The following SEH1L variants were observed in gnomAD, a reference collection of about 807,000 sequenced individuals.
SEH1L encodes nucleoporin SEH1.
SEH1L carries 18 observed loss-of-function variants against 49.5 expected under a neutral mutation model. That is an observed-to-expected ratio of 0.36 (90% CI 0.25 to 0.54). The LOEUF (loss-of-function observed/expected upper bound fraction) is 0.54. SEH1L is among the 20% of genes least tolerant of loss of function. SEH1L has a pLI of 0.87. For missense variants in SEH1L, 404 were observed against 528.8 expected (o/e 0.76, Z 2.31); for synonymous variants, 169 against 178.1 (o/e 0.95, Z 0.41).
At chr18:12,970,844 CTT>C (rs1446088135) in intron 4 of SEH1L, among the ~76,000 whole-genome samples, 1 of 152,184 alleles carries the variant, frequency 6.6e-6, no homozygotes, top group African/African-American at 2.4e-5. Context: ...ACTAAGACCT[CTT>C]AAGTATCTTT....
At chr18:12,949,281 GT>G (rs1855835885) in intron 1 of SEH1L, among the ~76,000 whole-genome samples, 1 of 152,046 alleles carries the variant, frequency 6.6e-6, no homozygotes, top group Non-Finnish European at 1.5e-5. Flanking sequence ...CAACTCCAGA[GT>G]AACTGGAAAT....
intron 3 of SEH1L, among the ~76,000 whole-genome samples, chr18:12,957,206 T>A (rs1484269939): frequency 1.3e-5 from 2 of 152,198 alleles, no homozygotes; most frequent in Non-Finnish European, 2.9e-5. Flanking sequence ...AATGGACAGA[T>A]CACCTGAGGT....
chr18:12,963,481 A>T, intron 4 of SEH1L, 110 bp downstream of exon 4: 1 of 827,584 alleles, frequency 1.2e-6, no homozygotes, highest in Non-Finnish European at 1.9e-6. Flanking sequence ...CTCAAGATAT[A>T]TAGAGTATAT....
At chr18:12,958,730 T>G (rs374604797) in intron 3 of SEH1L, among the ~76,000 whole-genome samples, 2 of 152,252 alleles carry the variant, frequency 1.3e-5, no homozygotes, top group South Asian at 2.1e-4. Flanking sequence ...TATACCACAT[T>G]TTGTTTATCC....
At chr18:12,956,777 T>C (rs2030887788) in intron 3 of SEH1L, among the ~76,000 whole-genome samples, 1 of 151,180 alleles carries the variant, frequency 6.6e-6, no homozygotes, top group Admixed American at 6.6e-5. Context: ...CTTCAGAGTT[T>C]AGCGTAACCA....
intron 2 of SEH1L, among the ~76,000 whole-genome samples, chr18:12,952,983 T>C (rs1187661653): frequency 6.6e-6 from 1 of 152,106 alleles, no homozygotes; most frequent in Non-Finnish European, 1.5e-5. Context: ...GGTTTCACTA[T>C]GTTGACCAGG....
chr18:12,956,056 T>C (rs931331540), intron 3 of SEH1L, among the ~76,000 whole-genome samples: 1 of 151,788 alleles, frequency 6.6e-6, no homozygotes, highest in Admixed American at 6.6e-5. Context: ...ATTCTTTTTT[T>C]TTTTTTTAGA....
At chr18:12,980,596 G>A (rs576548493) in intron 6 of SEH1L, among the ~76,000 whole-genome samples, 1 of 133,292 alleles carries the variant, frequency 7.5e-6, no homozygotes, top group South Asian at 2.5e-4. Flanking sequence ...CCCGGACGGG[G>A]CAGCTGGCCG....
Position 12,985,234 on chromosome 18 carries a change from T to C in SEH1L, c.1070+1044T>C, listed in dbSNP as rs774628625. ...CCTTTTCCATTTGTATTATGTCCTT[T>C]AACAGAAAGCACAGCTGAGTACAAG... On this transcript the variant is annotated intron_variant, in intron 8 of 8. Transcript: ENST00000399892. 4.4e-6 allele frequency: 7 copies of C among 1,608,780 alleles called. No homozygotes were observed. The Admixed American group carries it at 1.0e-4, about 23-fold the overall frequency.
intron 4 of SEH1L, among the ~76,000 whole-genome samples, chr18:12,969,252 CAA>C (rs2031590862): frequency 7.9e-6 from 1 of 126,480 alleles, no homozygotes; most frequent in African/African-American, 3.2e-5. Context: ...GAAAAAACAA[CAA>C]AGAATTTTTA....
intron 5 of SEH1L, chr18:12,973,077 G>C (rs550469945): frequency 6.6e-6 from 1 of 152,094 alleles, no homozygotes; most frequent in Non-Finnish European, 1.5e-5. Context: ...GGATGATGGC[G>C]CATGCCTGTA....
In SEH1L at chr18:12,955,449, T is replaced by C; in HGVS notation, c.163-14T>C. 6.3e-7 allele frequency: 1 copy of C among 1,590,342 alleles called. No individual in the cohort carries two copies. The highest frequency in any genetic ancestry group is 8.5e-7 in the Non-Finnish European group (1 of 1,171,268). On this transcript the variant is annotated splice_polypyrimidine_tract_variant and intron_variant, in intron 2 of 8. Coordinates refer to ENST00000399892, the MANE Select transcript of SEH1L (RefSeq NM_001013437.2). ...GAGTATCTGTTCTTTTCTTTTTTTT[T>C]TTTGATTCCCCAGACACATAGTGGA... is the stretch of plus-strand genomic sequence containing the variant.
intron 3 of SEH1L, 121 bp downstream of exon 3, chr18:12,955,730 TA>T (rs1272785436): frequency 1.4e-5 from 14 of 995,696 alleles, no homozygotes; most frequent in Non-Finnish European, 2.0e-5. Context: ...TTACCAGTTC[TA>T]AAGTTCTTTC....
At chr18:12,951,762 A>G (rs996612396) in intron 1 of SEH1L, 93 bp from the exon 2 acceptor site, 1 of 746,468 alleles carries the variant, frequency 1.3e-6, no homozygotes, top group South Asian at 1.6e-5. Context: ...CTATATGTTC[A>G]CCGCTTTCCT....
At chr18:12,965,790 A>G (rs1179004458) in intron 4 of SEH1L, among the ~76,000 whole-genome samples, 2 of 152,186 alleles carry the variant, frequency 1.3e-5, no homozygotes, top group African/African-American at 2.4e-5. Flanking sequence ...ATGAGTTTTA[A>G]TGTAATCACA....
chr18:12,969,686 CAAA>C (rs201098722), intron 4 of SEH1L, among the ~76,000 whole-genome samples: 3 of 98,176 alleles, frequency 3.1e-5, no homozygotes, highest in Non-Finnish European at 4.4e-5. Flanking sequence ...GACTCCATCT[CAAA>C]AAAAAAAAAA....
intron 8 of SEH1L, chr18:12,986,278 G>T: frequency 1.0e-6 from 1 of 985,174 alleles, no homozygotes. Flanking sequence ...AATAACAGTA[G>T]GGCACAGTCA....
intron 5 of SEH1L, 32 bp from the exon 6 acceptor site, chr18:12,978,720 T>C (rs749546370): frequency 1.3e-6 from 2 of 1,584,998 alleles, no homozygotes; most frequent in African/African-American, 1.4e-5. Flanking sequence ...ATTTTATTTC[T>C]AAAATGTTAA....
chr18:12,952,192 T>TA (rs71174156), intron 2 of SEH1L, among the ~76,000 whole-genome samples: 122 of 142,240 alleles, frequency 8.6e-4, no homozygotes, highest in Middle Eastern at 3.6e-3. Flanking sequence ...AGTTTTCTCT[T>TA]AAAAAAAAAA....
Sources: gnomAD v4.1 joint callset for allele counts (sites outside exome capture counted in the v4.1 genomes callset) on GRCh38, gnomAD v4.1.1 for gene constraint, MANE v1.5 for transcripts, NCBI Gene and HGNC (gene_info 2026-07-23, HGNC 2026-07-21) for gene names.